The following BOC variants were observed in gnomAD, a reference collection of about 807,000 sequenced individuals.
The protein encoded by BOC is BOC cell adhesion associated, oncogene regulated.
Under a neutral mutation model 112.0 loss-of-function variants are expected in BOC, and 76 were observed. The ratio of observed to expected loss-of-function variants is 0.68; its 90% CI spans 0.56 to 0.82. The LOEUF is 0.82. Among genes scored for constraint, BOC ranks in the 40% least tolerant of loss-of-function variants. BOC has a pLI of 0.00. For missense variants in BOC, 1,309 were observed against 1,511.7 expected (o/e 0.87, Z 2.22); for synonymous variants, 580 against 599.8 (o/e 0.97, Z 0.48).
intron 5 of BOC, among the ~76,000 whole-genome samples, chr3:113,268,675 G>A (rs987620821): frequency 6.6e-6 from 1 of 152,140 alleles, no homozygotes; most frequent in African/African-American, 2.4e-5. Flanking sequence ...GGCACAATCA[G>A]AGCTCACTGC....
At chr3:113,253,713 C>A (rs1471806570) in intron 4 of BOC, among the ~76,000 whole-genome samples, 2 of 152,198 alleles carry the variant, frequency 1.3e-5, no homozygotes, top group Non-Finnish European at 2.9e-5. Context: ...TCCCAGCCCC[C>A]ACCAGTACTT....
At chr3:113,258,435 T>C (rs980545264) in intron 4 of BOC, among the ~76,000 whole-genome samples, 4 of 152,230 alleles carry the variant, frequency 2.6e-5, no homozygotes, top group Non-Finnish European at 4.4e-5. Flanking sequence ...GGTATGAACA[T>C]TTTCTGATTA....
rs541140588 is a variant in BOC at position 113,233,622 on chromosome 3, C to T, written c.-81-16100C>T. Among the ~76,000 whole-genome samples the T allele has an allele frequency of 4.5e-4, 69 of 152,144 alleles. 1 individual carries two copies. The South Asian group carries it at 8.1e-3, about 18-fold the overall frequency. ...TGCTATTCCTGAGTCCTTGGTCTAACGGTCAGTTGAACCCTAAACACTTAA... is the reference window on the plus strand; with the variant it reads ...TGCTATTCCTGAGTCCTTGGTCTAATGGTCAGTTGAACCCTAAACACTTAA... On this transcript the variant is annotated intron_variant, in intron 2 of 19. Coordinates refer to ENST00000682979, the MANE Select transcript of BOC (RefSeq NM_001378074.1).
In BOC at chr3:113,284,507, G is replaced by C; in HGVS notation, c.2829G>C (p.Ser943=). The C allele has an allele frequency of 1.2e-6, 2 of 1,614,044 alleles. No homozygotes were observed. The highest frequency in any genetic ancestry group is 1.7e-6 in the Non-Finnish European group (2 of 1,179,926). Residue 943 remains serine, a synonymous_variant, in exon 17 of 20, where the codon TCG becomes TCC. Transcript: ENST00000682979. ...TCCACATGAATAGGGGCTGCCCCTC[G>C]GCTGCAGTGGGCTACCCGGGCATGA... ...NGIHMNRGCP[S]AAVGYPGMKP...
intron 4 of BOC, chr3:113,251,885 A>G (rs1945685710): frequency 6.6e-6 from 1 of 152,248 alleles, no homozygotes; most frequent in Non-Finnish European, 1.5e-5. Flanking sequence ...TGACATAGTC[A>G]TAGCTGGAAG....
intron 4 of BOC, among the ~76,000 whole-genome samples, chr3:113,254,263 A>G (rs1226816535): frequency 6.6e-6 from 1 of 152,196 alleles, no homozygotes; most frequent in Non-Finnish European, 1.5e-5. Flanking sequence ...GACATGAATC[A>G]GAAGGCAAAA....
Position 113,282,374 on chromosome 3 carries a change from G to A in BOC, c.2435-1037G>A, listed in dbSNP as rs147732310. ...GGAGGTGTGGGCGGGACCAGGGTCA[G>A]CTTGCATGCTAGGGCTGGGAGAGAG... On this transcript the variant is annotated intron_variant, in intron 15 of 19. Transcript: ENST00000682979. Among the ~76,000 whole-genome samples, 293 of 152,326 alleles carry A rather than the reference G, an allele frequency of 1.9e-3. 1 individual carries two copies. Among genetic ancestry groups the A allele is most frequent in the Non-Finnish European group, 3.4e-3 (228 of 68,034 alleles).
intron 4 of BOC, among the ~76,000 whole-genome samples, chr3:113,255,388 C>T (rs1048715012): frequency 6.6e-6 from 1 of 152,240 alleles, no homozygotes; most frequent in African/African-American, 2.4e-5. Context: ...CAAGGAGTCA[C>T]AACCGACTCA....
intron 1 of BOC, among the ~76,000 whole-genome samples, chr3:113,215,699 C>T (rs1190699725): frequency 1.3e-5 from 2 of 152,168 alleles, no homozygotes; most frequent in Non-Finnish European, 2.9e-5. Context: ...GGTTTAAAAC[C>T]CTAATTTCTT....
Position 113,268,407 on chromosome 3 carries a change from G to A in BOC, c.485G>A (p.Arg162Gln), listed in dbSNP as rs149634735. The change falls in exon 5 of 20, where the codon CGG becomes CAG. Residue 162 changes from arginine to glutamine, a missense_variant. Transcript: ENST00000682979. ...GAGAGCCACCCCAAAGCCCAGGTCC[G>A]GTACAGCGTCAAACAAGAGTGGCTG... ...LPESHPKAQV[R>Q]YSVKQEWLEA... 1.5e-5 allele frequency: 24 copies of A among 1,614,042 alleles called. No homozygotes were observed. The highest frequency in any genetic ancestry group is 1.6e-4 in the Middle Eastern group (1 of 6,062).
chr3:113,280,110 T>A, intron 13 of BOC, 105 bp downstream of exon 13: 1 of 1,223,330 alleles, frequency 8.2e-7, no homozygotes, highest in Non-Finnish European at 1.1e-6. Context: ...CCTGAAAGCT[T>A]CATCAGTGGA....
In BOC at chr3:113,272,465, C is replaced by G. The variant is rs3814398; in HGVS notation, c.723C>G (p.Ile241Met). 1.2e-6 allele frequency: 2 copies of G among 1,613,834 alleles called. No individual in the cohort carries two copies. Among genetic ancestry groups the G allele is most frequent in the Non-Finnish European group, 1.7e-6 (2 of 1,179,998 alleles). ...ACCCCCCAGAGGCCCAAACCATCAT[C>G]GTCACCAAAGGCCAGAGTCTCATTC... ...IIYPPEAQTI[I>M]VTKGQSLILE... The change falls in exon 7 of 20, where the codon ATC (isoleucine) becomes ATG (methionine). Residue 241 changes from isoleucine to methionine, a missense_variant. Ile to Met is a conservative substitution (Grantham distance 10). Coordinates refer to ENST00000682979, the MANE Select transcript of BOC (RefSeq NM_001378074.1).
intron 4 of BOC, among the ~76,000 whole-genome samples, chr3:113,253,907 A>G (rs1945925131): frequency 6.6e-6 from 1 of 152,218 alleles, no homozygotes; most frequent in Non-Finnish European, 1.5e-5. Flanking sequence ...GGGCAGCACA[A>G]GTCTGTAGAG....
intron 4 of BOC, among the ~76,000 whole-genome samples, chr3:113,258,981 G>A (rs1477067594): frequency 1.3e-5 from 2 of 152,208 alleles, no homozygotes; most frequent in African/African-American, 4.8e-5. Context: ...ACTGGATGCA[G>A]GCAGAAATTA....
At chr3:113,255,477 T>C (rs2107471019) in intron 4 of BOC, among the ~76,000 whole-genome samples, 1 of 152,020 alleles carries the variant, frequency 6.6e-6, no homozygotes, top group South Asian at 2.1e-4. Flanking sequence ...ATTTTTAACT[T>C]TTAAGATTTT....
At chr3:113,224,641 G>T (rs1030208006) in intron 2 of BOC, among the ~76,000 whole-genome samples, 1 of 152,304 alleles carries the variant, frequency 6.6e-6, no homozygotes, top group Non-Finnish European at 1.5e-5. Context: ...GGTAGACAGG[G>T]TTCCAACCCT....
intron 2 of BOC, among the ~76,000 whole-genome samples, chr3:113,237,210 A>T (rs77197793): frequency 0.012 from 1,790 of 152,298 alleles, 38 homozygotes; most frequent in African/African-American, 0.041. Flanking sequence ...GGTAAAGATT[A>T]AAAGTGTTGG....
At chr3:113,273,884 C>G (rs1005150243) in intron 8 of BOC, among the ~76,000 whole-genome samples, 5 of 152,304 alleles carry the variant, frequency 3.3e-5, no homozygotes, top group African/African-American at 1.2e-4. Flanking sequence ...TCTGTGGAAA[C>G]CTCCTGAAGG....
intron 3 of BOC, 63 bp downstream of exon 3, chr3:113,249,962 A>G: frequency 3.5e-6 from 5 of 1,432,466 alleles, no homozygotes; most frequent in East Asian, 2.3e-5. Flanking sequence ...GCATTCTACA[A>G]TAACTCTTTA....
Sources: gnomAD v4.1 joint callset for allele counts (sites outside exome capture counted in the v4.1 genomes callset) on GRCh38, gnomAD v4.1.1 for gene constraint, MANE v1.5 for transcripts, NCBI Gene and HGNC (gene_info 2026-07-23, HGNC 2026-07-21) for gene names.